Variants in NALF1 observed in about 807,000 individuals in gnomAD.
NALF1 encodes the protein NALCN channel auxiliary factor 1, also known as family with sequence similarity 155 member A.
NALF1 carries 3 observed loss-of-function variants against 48.4 expected under a neutral mutation model. The observed-to-expected ratio is 0.06, with a 90% CI of 0.03 to 0.16. NALF1 has a LOEUF of 0.16. Among genes scored for constraint, NALF1 ranks in the 10% least tolerant of loss-of-function variants. The probability of loss-of-function intolerance (pLI) is 1.00; values close to 1 mark genes in which losing one functional copy is unlikely to be tolerated. For synonymous variants in NALF1, 262 were observed against 245.7 expected, an observed-to-expected ratio of 1.07 and a Z score of -0.62; for missense variants, 526 against 571.5, an observed-to-expected ratio of 0.92 and a Z score of 0.81.
chr13:107,585,394 C>T (rs1433467892), intron 1 of NALF1, among the ~76,000 whole-genome samples: 5 of 151,026 alleles, frequency 3.3e-5, no homozygotes, highest in Admixed American at 6.6e-5. Context: ...AAAAATCCAA[C>T]GTATCTGGGA....
intron 1 of NALF1, among the ~76,000 whole-genome samples, chr13:107,648,268 T>C (rs1215683671): frequency 6.6e-6 from 1 of 152,180 alleles, no homozygotes. Context: ...CCCATCGTCA[T>C]GGGTCCACCA....
At chr13:107,229,397 G>A (rs1880173942) in intron 1 of NALF1, among the ~76,000 whole-genome samples, 1 of 152,132 alleles carries the variant, frequency 6.6e-6, no homozygotes, top group African/African-American at 2.4e-5. Context: ...TAAAGAGAGT[G>A]TCAGGATCAT....
At chr13:107,353,685 T>A (rs1882913794) in intron 1 of NALF1, among the ~76,000 whole-genome samples, 1 of 152,146 alleles carries the variant, frequency 6.6e-6, no homozygotes, top group South Asian at 2.1e-4. Flanking sequence ...GACATAACTG[T>A]GAGATAATAA....
intron 1 of NALF1, among the ~76,000 whole-genome samples, chr13:107,353,830 C>A (rs1440390407): frequency 3.3e-5 from 5 of 152,194 alleles, no homozygotes; most frequent in Non-Finnish European, 4.4e-5. Flanking sequence ...TAATGTCTAA[C>A]ACAGGAATAA....
chr13:107,747,271 C>T (rs1876806320), intron 1 of NALF1, among the ~76,000 whole-genome samples: 1 of 152,154 alleles, frequency 6.6e-6, no homozygotes, highest in South Asian at 2.1e-4. Context: ...TCCCTTATCC[C>T]TACATGTTTG....
intron 1 of NALF1, among the ~76,000 whole-genome samples, chr13:107,257,399 C>G (rs1880839266): frequency 6.6e-6 from 1 of 152,064 alleles, no homozygotes; most frequent in East Asian, 1.9e-4. Context: ...AATACTTGAT[C>G]CATCTAACAT....
chr13:107,319,981 A>G (rs1017962319), intron 1 of NALF1, among the ~76,000 whole-genome samples: 2 of 152,132 alleles, frequency 1.3e-5, no homozygotes, highest in African/African-American at 4.8e-5. Context: ...GTGACACACC[A>G]AAGTTGAGGC....
chr13:107,804,955 A>G (rs928586023), intron 1 of NALF1, among the ~76,000 whole-genome samples: 2 of 152,180 alleles, frequency 1.3e-5, no homozygotes, highest in Admixed American at 1.3e-4. Context: ...TTTGCTTCAA[A>G]TTACATTTAC....
intron 1 of NALF1, among the ~76,000 whole-genome samples, chr13:107,645,492 A>G (rs1443174267): frequency 2.0e-5 from 3 of 151,936 alleles, no homozygotes; most frequent in Non-Finnish European, 4.4e-5. Context: ...AACTCACCCA[A>G]TTGTTTTGGG....
chr13:107,368,547 T>A (rs1479450684), intron 1 of NALF1, among the ~76,000 whole-genome samples: 1 of 152,152 alleles, frequency 6.6e-6, no homozygotes, highest in Non-Finnish European at 1.5e-5. Context: ...ACTCTTCGTC[T>A]CTTCTGGCGT....
intron 1 of NALF1, among the ~76,000 whole-genome samples, chr13:107,581,810 CTCA>C (rs1457308050): frequency 6.6e-6 from 1 of 152,148 alleles, no homozygotes; most frequent in Non-Finnish European, 1.5e-5. Context: ...ATATCAGACC[CTCA>C]TCAATTCACA....
intron 1 of NALF1, among the ~76,000 whole-genome samples, chr13:107,252,281 G>A (rs770752424): frequency 9.2e-5 from 14 of 152,250 alleles, no homozygotes; most frequent in Non-Finnish European, 1.6e-4. Flanking sequence ...ACGGTTCCCG[G>A]CCACAGCACA....
At chr13:107,827,013 C>G (rs1879540654) in intron 1 of NALF1, among the ~76,000 whole-genome samples, 1 of 152,146 alleles carries the variant, frequency 6.6e-6, no homozygotes, top group Non-Finnish European at 1.5e-5. Flanking sequence ...AATCAGCATG[C>G]CTTCGACTAC....
At position 107,797,617 on chromosome 13, in the gene NALF1, C is replaced by T. The variant is rs529575672; in HGVS notation, c.915+68065G>A. On this transcript the variant is annotated intron_variant, in intron 1 of 2. Coordinates refer to ENST00000375915, the MANE Select transcript of NALF1 (RefSeq NM_001080396.3). The stretch of plus-strand genomic sequence containing the variant: ...TGAGTCAGTGTTCTGGGCACTGGGG[C>T]TTTATCAATGAACACAACACATCTT... Among the ~76,000 whole-genome samples, 3 of 152,262 alleles carry T rather than the reference C, an allele frequency of 2.0e-5. No homozygotes were observed. In the South Asian group the frequency reaches 6.2e-4, roughly 32 times the overall value.
chr13:107,579,170 C>A (rs916364736), intron 1 of NALF1, among the ~76,000 whole-genome samples: 2 of 152,228 alleles, frequency 1.3e-5, no homozygotes, highest in Admixed American at 6.5e-5. Flanking sequence ...CAGCTCACTG[C>A]AACCTCCACC....
rs180813698 is a variant in NALF1, at chr13:107,473,528, T to C, written c.916-262773A>G. On this transcript the variant is annotated intron_variant, in intron 1 of 2. Transcript: ENST00000375915. ...GTAATATAATTTCAACAAATGGTGG[T>C]TGTTTCTCTGAAGAAAACAGGACAT... Among the ~76,000 whole-genome samples the C allele has an allele frequency of 1.5e-3, 225 of 152,292 alleles. 1 individual carries two copies. The highest frequency in any genetic ancestry group is 5.1e-3 in the African/African-American group (213 of 41,566).
intron 1 of NALF1, among the ~76,000 whole-genome samples, chr13:107,292,324 G>A (rs1034431279): frequency 6.6e-6 from 1 of 152,140 alleles, no homozygotes; most frequent in South Asian, 2.1e-4. Context: ...GTCAGTGAGT[G>A]AGAAGTCAAT....
At chr13:107,639,750 A>C (rs2138457099) in intron 1 of NALF1, among the ~76,000 whole-genome samples, 1 of 152,222 alleles carries the variant, frequency 6.6e-6, no homozygotes, top group South Asian at 2.1e-4. Context: ...CATGCCTGAA[A>C]CCTCAAGTAA....
chr13:107,353,535 A>C (rs1882910907), intron 1 of NALF1, among the ~76,000 whole-genome samples: 1 of 152,238 alleles, frequency 6.6e-6, no homozygotes, highest in African/African-American at 2.4e-5. Context: ...TCTTTTTAGA[A>C]GTACATGTGC....
Sources: gnomAD v4.1 joint callset for allele counts (sites outside exome capture counted in the v4.1 genomes callset) on GRCh38, gnomAD v4.1.1 for gene constraint, MANE v1.5 for transcripts, NCBI Gene and HGNC (gene_info 2026-07-23, HGNC 2026-07-21) for gene names.